FOXN3: variants seen among roughly 807,000 people sequenced by gnomAD.
FOXN3 encodes the protein forkhead box N3.
In FOXN3, 7 loss-of-function variants were observed where a neutral mutation model predicts 38.4. The ratio of observed to expected loss-of-function variants is 0.18; its 90% CI spans 0.10 to 0.34. FOXN3 has a LOEUF of 0.34. FOXN3 is among the 10% of genes least tolerant of loss of function. FOXN3 has a pLI of 1.00. For synonymous variants in FOXN3, 230 were observed against 242.2 expected (o/e 0.95, Z 0.47); for missense variants, 456 against 613.4 (o/e 0.74, Z 2.71).
At chr14:89,424,127 A>G (rs2140108490) in intron 1 of FOXN3, among the ~76,000 whole-genome samples, 1 of 152,368 alleles carries the variant, frequency 6.6e-6, no homozygotes, top group East Asian at 1.9e-4. Flanking sequence ...TGCTGAAATA[A>G]GAGGCCAGAG....
At chr14:89,513,352 G>GTCCCAGTCT (rs1894135412) in intron 1 of FOXN3, among the ~76,000 whole-genome samples, 1 of 151,584 alleles carries the variant, frequency 6.6e-6, no homozygotes, top group South Asian at 2.1e-4. Flanking sequence ...AGCCTCCTGA[G>GTCCCAGTCT]CAGCTGGGAC....
chr14:89,305,395 A>G (rs1015732377), intron 3 of FOXN3, among the ~76,000 whole-genome samples: 1 of 152,252 alleles, frequency 6.6e-6, no homozygotes, highest in Admixed American at 6.5e-5. Context: ...TACCATGAGC[A>G]GATGACATGT....
chr14:89,267,932 A>G (rs1466602770), intron 4 of FOXN3, among the ~76,000 whole-genome samples: 1 of 152,230 alleles, frequency 6.6e-6, no homozygotes, highest in East Asian at 1.9e-4. Context: ...GGGATTGCCT[A>G]AAATAGCATT....
chr14:89,550,950 A>T (rs1894993545), intron 1 of FOXN3, among the ~76,000 whole-genome samples: 1 of 152,202 alleles, frequency 6.6e-6, no homozygotes, highest in South Asian at 2.1e-4. Flanking sequence ...GGGAAGAAAC[A>T]GTCTTCTACT....
Position 89,548,980 on chromosome 14 carries a change from G to A in FOXN3, c.-15+70048C>T, listed in dbSNP as rs374638882. On this transcript the variant is annotated intron_variant, in intron 1 of 6. Transcript: ENST00000345097. The surrounding 1 kb of genome is among the most constrained non-coding windows in gnomAD (Gnocchi z 4.8). ...CTGAAAATACAAAAATTAGCCAGGC[G>A]TAGTGGCCGGTGCTTGTAATCCCAG... 4.1e-4 allele frequency among the ~76,000 whole-genome samples: 63 copies of A among 152,096 alleles called. 1 individual carries two copies. The highest frequency in any genetic ancestry group is 3.1e-4 in the African/African-American group (13 of 41,506).
In FOXN3 at chr14:89,161,329, AC is replaced by A. The variant is rs1245442138; in HGVS notation, c.*1084del. The A allele has an allele frequency of 6.8e-6, 1 of 147,492 alleles. No homozygotes were observed. The highest frequency in any genetic ancestry group is 2.5e-5 in the African/African-American group (1 of 40,012). 9.1% of individuals were successfully genotyped at this position (147,492 alleles called of 1,614,324 possible). On this transcript the variant is annotated 3_prime_UTR_variant, in exon 6 of 6. Transcript: ENST00000557258. ...ACTTTTTTTTTTTGTCCATCAGTGT[AC>A]CTTTAATCTTAAAAATACACCACAA...
chr14:89,391,842 T>A (rs1319464633), intron 2 of FOXN3, among the ~76,000 whole-genome samples: 1 of 152,132 alleles, frequency 6.6e-6, no homozygotes, highest in Non-Finnish European at 1.5e-5. Flanking sequence ...CCATCTCTAC[T>A]AAAATGTAAA....
chr14:89,243,398 C>T (rs907560331), intron 4 of FOXN3, among the ~76,000 whole-genome samples: 1 of 152,274 alleles, frequency 6.6e-6, no homozygotes, highest in Middle Eastern at 3.4e-3. Flanking sequence ...ATTCAGGATG[C>T]GCCTGCCCGA....
At chr14:89,408,121 T>G (rs1891441367) in intron 2 of FOXN3, among the ~76,000 whole-genome samples, 1 of 152,162 alleles carries the variant, frequency 6.6e-6, no homozygotes, top group Non-Finnish European at 1.5e-5. Context: ...TCTCAGCAAC[T>G]GGAAAGACCT....
At chr14:89,293,424 G>A (rs1886937658) in intron 3 of FOXN3, among the ~76,000 whole-genome samples, 1 of 152,186 alleles carries the variant, frequency 6.6e-6, no homozygotes, top group Admixed American at 6.5e-5. Context: ...GGGGTCACAG[G>A]GCTGGTTCCT....
chr14:89,499,262 A>G (rs1328826280), intron 1 of FOXN3, among the ~76,000 whole-genome samples: 1 of 152,060 alleles, frequency 6.6e-6, no homozygotes, highest in Non-Finnish European at 1.5e-5. Context: ...AGAGGCTGAG[A>G]AACCAAATAA....
At chr14:89,196,836 C>T (rs762953304) in intron 4 of FOXN3, among the ~76,000 whole-genome samples, 1 of 152,276 alleles carries the variant, frequency 6.6e-6, no homozygotes, top group Non-Finnish European at 1.5e-5. Flanking sequence ...CTTGGAGAGG[C>T]CATTTGCTTT....
chr14:89,294,516 T>C (rs1886977886), intron 3 of FOXN3, among the ~76,000 whole-genome samples: 1 of 152,282 alleles, frequency 6.6e-6, no homozygotes, highest in South Asian at 2.1e-4. Context: ...TGAGACCTAC[T>C]GGGCTGCCTA....
chr14:89,169,596 T>C (rs1887335517), intron 5 of FOXN3, among the ~76,000 whole-genome samples: 1 of 151,420 alleles, frequency 6.6e-6, no homozygotes, highest in Admixed American at 6.6e-5. Context: ...ACTGGAGAAA[T>C]GTAGCATATC....
intron 2 of FOXN3, among the ~76,000 whole-genome samples, chr14:89,374,008 G>A (rs1298078928): frequency 2.0e-5 from 3 of 152,112 alleles, no homozygotes; most frequent in Non-Finnish European, 4.4e-5. Context: ...GCTCATGCCT[G>A]TAATGCCAGC....
At chr14:89,490,613 T>G (rs1489577853) in intron 1 of FOXN3, among the ~76,000 whole-genome samples, 1 of 152,198 alleles carries the variant, frequency 6.6e-6, no homozygotes, top group Admixed American at 6.5e-5. Context: ...TAAAATCTAG[T>G]GAGTCTATGA....
chr14:89,167,566 C>T (rs1036441924), intron 5 of FOXN3, among the ~76,000 whole-genome samples: 2 of 152,154 alleles, frequency 1.3e-5, no homozygotes, highest in African/African-American at 4.8e-5. Flanking sequence ...AAATCAACTG[C>T]AAGTAGACAT....
intron 1 of FOXN3, among the ~76,000 whole-genome samples, chr14:89,506,615 C>T (rs1297838770): frequency 1.3e-5 from 2 of 152,184 alleles, no homozygotes; most frequent in Non-Finnish European, 2.9e-5. Context: ...ACCACCCTGT[C>T]TGGGAGGTGT....
intron 1 of FOXN3, among the ~76,000 whole-genome samples, chr14:89,517,114 C>T (rs1327574116): frequency 6.6e-6 from 1 of 152,142 alleles, no homozygotes; most frequent in Non-Finnish European, 1.5e-5. Context: ...CAGTTCCAGA[C>T]TCTGCTCCAC....
Sources: allele counts gnomAD v4.1 joint callset (sites outside exome capture counted in the v4.1 genomes callset), GRCh38; gene constraint gnomAD v4.1.1; non-coding constraint Gnocchi (gnomAD v3.1); transcripts MANE v1.5; gene names NCBI Gene and HGNC (gene_info 2026-07-23, HGNC 2026-07-21).